The following GALNTL6 variants were observed in gnomAD, a reference collection of about 807,000 sequenced individuals.
The protein encoded by GALNTL6 is polypeptide N-acetylgalactosaminyltransferase-like 6.
Under a neutral mutation model 73.7 loss-of-function variants are expected in GALNTL6, and 46 were observed. The ratio of observed to expected loss-of-function variants is 0.62; its 90% CI spans 0.49 to 0.80. The LOEUF (loss-of-function observed/expected upper bound fraction) is 0.80, where lower values mean the gene tolerates loss of function less well. Among genes scored for constraint, GALNTL6 ranks in the 30% least tolerant of loss-of-function variants. The probability of loss-of-function intolerance (pLI) is 0.00; values close to 1 mark genes in which losing one functional copy is unlikely to be tolerated. For synonymous variants in GALNTL6, 259 were observed against 263.7 expected (o/e 0.98, Z 0.17); for missense variants, 604 against 755.0 (o/e 0.80, Z 2.34).
intron 5 of GALNTL6, among the ~76,000 whole-genome samples, chr4:172,427,819 A>G (rs554384992): frequency 6.6e-6 from 1 of 152,322 alleles, no homozygotes; most frequent in East Asian, 1.9e-4. Context: ...TTGAATTAAA[A>G]ACAAAGATAC....
chr4:171,928,436 C>A (rs1738061582), intron 2 of GALNTL6, among the ~76,000 whole-genome samples: 1 of 152,208 alleles, frequency 6.6e-6, no homozygotes, highest in Non-Finnish European at 1.5e-5. Context: ...GTGGTTTTAA[C>A]CACGATCCCT....
intron 5 of GALNTL6, among the ~76,000 whole-genome samples, chr4:172,679,468 TG>T (rs1312127984): frequency 6.6e-6 from 1 of 152,098 alleles, no homozygotes; most frequent in Non-Finnish European, 1.5e-5. Flanking sequence ...GGACAGGACT[TG>T]TTTGCCAGGC....
At position 172,267,803 on chromosome 4, in the gene GALNTL6, A is replaced by G. The variant is rs142578885; in HGVS notation, c.247+38039A>G. Among the ~76,000 whole-genome samples the G allele has an allele frequency of 4.6e-3, 705 of 152,160 alleles. 3 individuals are homozygous for G. Among genetic ancestry groups the G allele is most frequent in the African/African-American group, 0.011 (465 of 41,526 alleles). ...CTCCTATGTGTAGCCTTGTTCTTGGAAGTATATGAATTCCAAGCAAAACTA... is the reference window on the plus strand; with the variant it reads ...CTCCTATGTGTAGCCTTGTTCTTGGGAGTATATGAATTCCAAGCAAAACTA... On this transcript the variant is annotated intron_variant, in intron 3 of 12. Coordinates refer to ENST00000506823, the MANE Select transcript of GALNTL6 (RefSeq NM_001034845.3).
rs371910842 is a variant in GALNTL6, at chr4:172,458,853, A to C, written c.553+110164A>C. 5.9e-5 allele frequency among the ~76,000 whole-genome samples: 9 copies of C among 152,330 alleles called. No homozygotes were observed. The East Asian group carries it at 1.7e-3, about 29-fold the overall frequency. On this transcript the variant is annotated intron_variant, in intron 5 of 12. Coordinates refer to ENST00000506823, the MANE Select transcript of GALNTL6 (RefSeq NM_001034845.3). ...AACAGAAAAAGAGGGAATCCTCCCT[A>C]ACTCATTTTATGAGGCCAGAATCAT... is the stretch of plus-strand genomic sequence containing the variant.
At chr4:172,641,858 C>A (rs898086261) in intron 5 of GALNTL6, among the ~76,000 whole-genome samples, 22 of 151,958 alleles carry the variant, frequency 1.4e-4, no homozygotes, top group African/African-American at 4.8e-4. Flanking sequence ...GTGTCCAGGA[C>A]TTTATAGGTG....
intron 2 of GALNTL6, among the ~76,000 whole-genome samples, chr4:172,015,733 G>T (rs915808001): frequency 6.6e-6 from 1 of 151,738 alleles, no homozygotes; most frequent in Non-Finnish European, 1.5e-5. Context: ...GTTTTGGCTT[G>T]GTAGTGATGA....
chr4:172,628,311 C>A (rs561614351), intron 5 of GALNTL6, among the ~76,000 whole-genome samples: 1 of 152,168 alleles, frequency 6.6e-6, no homozygotes, highest in African/African-American at 2.4e-5. Flanking sequence ...AAATCTTTTT[C>A]GAAATGAGAA....
intron 5 of GALNTL6, among the ~76,000 whole-genome samples, chr4:172,481,037 T>C (rs1160929392): frequency 1.3e-5 from 2 of 152,216 alleles, no homozygotes; most frequent in East Asian, 3.9e-4. Context: ...ACTTCAAGAA[T>C]GAAGCCGTGG....
At chr4:172,206,037 A>G (rs1445648313) in intron 2 of GALNTL6, among the ~76,000 whole-genome samples, 1 of 151,954 alleles carries the variant, frequency 6.6e-6, no homozygotes, top group Non-Finnish European at 1.5e-5. Context: ...TATGCCATGT[A>G]TTTCATATTT....
chr4:172,376,477 G>A (rs984518100), intron 5 of GALNTL6, among the ~76,000 whole-genome samples: 1 of 152,166 alleles, frequency 6.6e-6, no homozygotes, highest in Non-Finnish European at 1.5e-5. Context: ...AAAAGTGGAA[G>A]CTGGTTCCAG....
intron 5 of GALNTL6, among the ~76,000 whole-genome samples, chr4:172,586,422 T>C (rs1367053672): frequency 1.3e-5 from 2 of 151,782 alleles, no homozygotes; most frequent in Non-Finnish European, 2.9e-5. Context: ...CAAGACAGTT[T>C]ATGATTTATT....
chr4:172,940,458 G>A (rs146045096), intron 9 of GALNTL6, among the ~76,000 whole-genome samples: 10 of 152,124 alleles, frequency 6.6e-5, no homozygotes, highest in Non-Finnish European at 1.5e-4. Context: ...TGCCTCTGGG[G>A]TTCAAGTGAT....
chr4:172,018,063 A>G (rs193289547), intron 2 of GALNTL6, among the ~76,000 whole-genome samples: 2 of 152,098 alleles, frequency 1.3e-5, no homozygotes. Flanking sequence ...TGTTGCAGGC[A>G]GTGGGATTAG....
intron 5 of GALNTL6, among the ~76,000 whole-genome samples, chr4:172,392,779 T>C (rs946407572): frequency 9.2e-5 from 14 of 152,320 alleles, no homozygotes; most frequent in Admixed American, 5.9e-4. Flanking sequence ...GTTTTTGACC[T>C]TTGAGAAGGG....
At chr4:172,661,194 A>G (rs1449266032) in intron 5 of GALNTL6, among the ~76,000 whole-genome samples, 2 of 152,140 alleles carry the variant, frequency 1.3e-5, no homozygotes, top group African/African-American at 4.8e-5. Flanking sequence ...CAATCAGTTG[A>G]AGGCCTCAAT....
intron 5 of GALNTL6, among the ~76,000 whole-genome samples, chr4:172,548,656 T>G (rs1469640486): frequency 6.6e-6 from 1 of 152,200 alleles, no homozygotes; most frequent in Non-Finnish European, 1.5e-5. Flanking sequence ...TATAACATCC[T>G]TTCCTAAGTT....
chr4:173,039,405 CT>C (rs11347097), intron 12 of GALNTL6, among the ~76,000 whole-genome samples: 101,057 of 151,166 alleles, frequency 0.67, 34,954 homozygotes, highest in East Asian at 0.95. Context: ...TTGACTGCTG[CT>C]TTTTTTTTTC....
At chr4:172,889,209 C>T (rs772333185) in intron 8 of GALNTL6, among the ~76,000 whole-genome samples, 5 of 152,010 alleles carry the variant, frequency 3.3e-5, no homozygotes, top group South Asian at 2.1e-4. Flanking sequence ...TAGTGAAGAG[C>T]GATAATTTAA....
chr4:172,623,482 G>A (rs1019851655), intron 5 of GALNTL6, among the ~76,000 whole-genome samples: 9 of 152,072 alleles, frequency 5.9e-5, no homozygotes, highest in Admixed American at 2.0e-4. Context: ...CCAAAAGCCA[G>A]AAGGACCATG....
Sources: gnomAD v4.1 joint callset for allele counts (sites outside exome capture counted in the v4.1 genomes callset) on GRCh38, gnomAD v4.1.1 for gene constraint, MANE v1.5 for transcripts, NCBI Gene and HGNC (gene_info 2026-07-23, HGNC 2026-07-21) for gene names.